MTF2: variants seen among roughly 807,000 people sequenced by gnomAD.
The protein encoded by MTF2 is metal-response element-binding transcription factor 2.
MTF2 carries 11 observed loss-of-function variants against 79.5 expected under a neutral mutation model. The ratio of observed to expected loss-of-function variants is 0.14; its 90% CI spans 0.09 to 0.23. MTF2 has a LOEUF of 0.23. Among genes scored for constraint, MTF2 ranks in the 10% least tolerant of loss-of-function variants. MTF2 has a pLI of 1.00. For synonymous variants in MTF2, 208 were observed against 232.8 expected (o/e 0.89, Z 0.97); for missense variants, 486 against 711.2 (o/e 0.68, Z 3.60).
intron 1 of MTF2, among the ~76,000 whole-genome samples, chr1:93,092,139 A>G (rs765079625): frequency 1.2e-4 from 18 of 152,048 alleles, no homozygotes; most frequent in South Asian, 4.1e-4. Context: ...TATTTTGGCT[A>G]TAATTTTATT....
chr1:93,085,855 G>T (rs1400569250), intron 1 of MTF2, among the ~76,000 whole-genome samples: 3 of 152,112 alleles, frequency 2.0e-5, no homozygotes, highest in African/African-American at 4.8e-5. Context: ...GTGGATTTTG[G>T]TATCCTCAGG....
chr1:93,124,487 G>A (rs1221207295), intron 9 of MTF2, among the ~76,000 whole-genome samples: 1 of 151,954 alleles, frequency 6.6e-6, no homozygotes, highest in Non-Finnish European at 1.5e-5. Flanking sequence ...GAAACCCTGA[G>A]GTTGATACCA....
At chr1:93,109,443 C>T (rs754287229) in intron 1 of MTF2, among the ~76,000 whole-genome samples, 3 of 152,184 alleles carry the variant, frequency 2.0e-5, no homozygotes, top group East Asian at 1.9e-4. Context: ...AAATGATTCT[C>T]CTGCCTCAGC....
intron 8 of MTF2, chr1:93,120,347 T>C: frequency 2.6e-6 from 1 of 383,084 alleles, no homozygotes; most frequent in Non-Finnish European, 4.5e-6. Context: ...TCTTCTAGTT[T>C]ATAGTTGCTA....
intron 1 of MTF2, chr1:93,081,110 C>T (rs1246199468): frequency 1.3e-5 from 2 of 152,154 alleles, no homozygotes; most frequent in Non-Finnish European, 2.9e-5. Flanking sequence ...TGGGTATTAA[C>T]GGAAATGTGT....
intron 9 of MTF2, among the ~76,000 whole-genome samples, chr1:93,124,648 G>A (rs534364163): frequency 6.6e-6 from 1 of 152,110 alleles, no homozygotes; most frequent in Non-Finnish European, 1.5e-5. Flanking sequence ...TAAGAAATCT[G>A]AACAAAAATT....
chr1:93,125,257 C>T (rs1361537675), intron 9 of MTF2, among the ~76,000 whole-genome samples: 3 of 149,342 alleles, frequency 2.0e-5, no homozygotes, highest in African/African-American at 7.4e-5. Context: ...TCATGTATAC[C>T]CTTGGTTTCT....
At chr1:93,133,241 A>G (rs1021326074) in intron 11 of MTF2, among the ~76,000 whole-genome samples, 6 of 152,070 alleles carry the variant, frequency 3.9e-5, no homozygotes, top group Non-Finnish European at 8.8e-5. Flanking sequence ...GACTACTACA[A>G]TGTTAACATA....
Position 93,118,646 on chromosome 1 carries a change from G to T in MTF2, c.728+206G>T, listed in dbSNP as rs1324285173. Among the ~76,000 whole-genome samples, 3 of 152,264 alleles carry T rather than the reference G, an allele frequency of 2.0e-5. No individual in the cohort carries two copies. In the East Asian group the frequency reaches 5.8e-4, roughly 29 times the overall value. ...TCCAGAATGCTTTTAAGTATTGTCA[G>T]TGATTACATTTGCTCCTATTGACCC... On this transcript the variant is annotated intron_variant, in intron 7 of 14. Transcript: ENST00000370298.
Position 93,109,291 on chromosome 1 carries a change from AT to A in MTF2, c.6-932del, listed in dbSNP as rs557770380. 4.6e-4 allele frequency among the ~76,000 whole-genome samples: 69 copies of A among 151,362 alleles called. 1 individual carries two copies. Among genetic ancestry groups the A allele is most frequent in the African/African-American group, 1.7e-3 (69 of 41,222 alleles). The stretch of plus-strand genomic sequence containing the variant: ...TGTAATTTCACAGTATTTAATATAT[AT>A]TTTTTTCCTTTAAGTACTCTTATAG... On this transcript the variant is annotated intron_variant, in intron 1 of 14. Transcript: ENST00000370298.
chr1:93,127,238 G>C lies in MTF2; in HGVS notation c.928G>C (p.Asp310His), dbSNP rs1266255498. 1.2e-6 allele frequency: 2 copies of C among 1,611,060 alleles called. No homozygotes were observed. The highest frequency in any genetic ancestry group is 2.2e-5 in the South Asian group (2 of 91,018). Residue 310 changes from aspartate to histidine, a missense_variant, in exon 10 of 15, where the codon GAC becomes CAC. Around this residue, in one of 4 missense-constraint regions of MTF2, gnomAD observed 177 missense variants for 364.0 expected, o/e 0.49. Coordinates refer to ENST00000370298, the MANE Select transcript of MTF2 (RefSeq NM_007358.4). ...WDRLHPGELA[D>H]TPKSERYEHV... ...GTTTCTTGATACTTCACAGCTGGCA[G>C]ACACACCAAAATCTGAAAGATATGA...
chr1:93,115,384 A>G lies in MTF2; in HGVS notation c.484-86A>G, dbSNP rs571482510. 2.0e-4 allele frequency: 226 copies of G among 1,107,482 alleles called. 1 individual carries two copies. Among genetic ancestry groups the G allele is most frequent in the Admixed American group, 3.3e-4 (10 of 30,562 alleles). The allele number at this position is 1,107,482 out of a possible 1,614,324, so 68.6% of individuals were successfully genotyped here. A position where few individuals can be genotyped will look rare whatever the true frequency, so the allele number is the denominator to read the frequency against. Reference sequence around the variant, plus strand: ...AAAAGTTTGGAAAGGAAATTTCTCCAGAAGTGTCAGAGTCGTTTTTAAAGT... The same window carrying G: ...AAAAGTTTGGAAAGGAAATTTCTCCGGAAGTGTCAGAGTCGTTTTTAAAGT... On this transcript the variant is annotated intron_variant, in intron 5 of 14. Transcript: ENST00000370298.
intron 6 of MTF2, 98 bp downstream of exon 6, chr1:93,115,716 C>A: frequency 1.1e-6 from 1 of 918,020 alleles, no homozygotes; most frequent in Non-Finnish European, 1.5e-6. Context: ...ATTGCAACTG[C>A]ATGAACACAT....
intron 4 of MTF2, 96 bp downstream of exon 4, chr1:93,114,879 C>G: frequency 8.2e-7 from 1 of 1,212,516 alleles, no homozygotes; most frequent in Non-Finnish European, 1.2e-6. Flanking sequence ...TGAAATTATC[C>G]TTTTTATTAA....
At chr1:93,099,183 A>C (rs554856381) in intron 1 of MTF2, among the ~76,000 whole-genome samples, 11 of 152,206 alleles carry the variant, frequency 7.2e-5, no homozygotes, top group African/African-American at 2.7e-4. Context: ...ACTCTCTACA[A>C]ATCCTGCATC....
chr1:93,097,628 C>T (rs998116966), intron 1 of MTF2, among the ~76,000 whole-genome samples: 2 of 151,994 alleles, frequency 1.3e-5, no homozygotes, highest in Non-Finnish European at 2.9e-5. Context: ...GATGGAGTCT[C>T]ACTCTGTCGC....
rs778549208 is a variant in MTF2 at position 93,105,681 on chromosome 1, G to GT, written c.6-4539dup. Among the ~76,000 whole-genome samples the GT allele has an allele frequency of 4.6e-3, 679 of 148,100 alleles. 8 individuals are homozygous for GT. The highest frequency in any genetic ancestry group is 0.014 in the African/African-American group (569 of 40,714). On this transcript the variant is annotated intron_variant, in intron 1 of 14. Transcript: ENST00000370298. ...TTGAATGTTGTTTGTGTGTGTGTGT[G>GT]TTTTTTTTTTGAGACCAGAGTCTTG...
rs752607258 is a variant in MTF2 at position 93,120,532 on chromosome 1, T to A, written c.798-17T>A. On this transcript the variant is annotated splice_polypyrimidine_tract_variant and intron_variant, in intron 8 of 14. Coordinates refer to ENST00000370298, the MANE Select transcript of MTF2 (RefSeq NM_007358.4). Reference sequence around the variant, plus strand: ...CAAAAACATTGTTTTGTGTATTTGATTATTTTCGGATTCCAGGGTAGATAT... The same window carrying A: ...CAAAAACATTGTTTTGTGTATTTGAATATTTTCGGATTCCAGGGTAGATAT... 9.0e-6 allele frequency: 14 copies of A among 1,557,222 alleles called. No individual in the cohort carries two copies. The highest frequency in any genetic ancestry group is 1.2e-5 in the Non-Finnish European group (14 of 1,157,022).
In MTF2 at chr1:93,110,362, T is replaced by A. The variant is rs1476077167; in HGVS notation, c.138T>A (p.Phe46Leu). ...AAGCCAAAAAGCCAGCATGTAAATT[T>A]GAAGAGGGTCAGGATGTCCTAGCTA... is the stretch of plus-strand genomic sequence containing the variant. ...GHKAKKPACK[F>L]EEGQDVLARW... Residue 46 changes from phenylalanine (F) to leucine (L), a missense_variant, in exon 2 of 15, where the codon TTT becomes TTA. Coordinates refer to ENST00000370298, the MANE Select transcript of MTF2 (RefSeq NM_007358.4). 6.2e-7 allele frequency: 1 copy of A among 1,614,216 alleles called. No individual in the cohort carries two copies. The highest frequency in any genetic ancestry group is 2.2e-5 in the East Asian group (1 of 44,880).
Sources: gnomAD v4.1 joint callset for allele counts (sites outside exome capture counted in the v4.1 genomes callset) on GRCh38, gnomAD v4.1.1 for gene constraint, gnomAD v4.1.1 regional missense constraint, MANE v1.5 for transcripts, NCBI Gene and HGNC (gene_info 2026-07-23, HGNC 2026-07-21) for gene names.